LYZL1: variants seen among roughly 807,000 people sequenced by gnomAD.
LYZL1 encodes the protein lysozyme like 1, also known as lysozyme-like protein 1.
In LYZL1, 16 loss-of-function variants were observed where a neutral mutation model predicts 17.9. The observed-to-expected ratio is 0.90, with a 90% CI of 0.61 to 1.36. The LOEUF (loss-of-function observed/expected upper bound fraction) is 1.36. Among genes scored for constraint, LYZL1 ranks in the 40% most tolerant of loss-of-function variants. LYZL1 has a pLI of 0.00. For missense variants in LYZL1, 149 were observed against 188.4 expected, an observed-to-expected ratio of 0.79 and a Z score of 1.22; for synonymous variants, 58 against 71.8, an observed-to-expected ratio of 0.81 and a Z score of 0.97.
chr10:29,297,906 A>C (rs956500976), intron 3 of LYZL1, among the ~76,000 whole-genome samples: 3 of 152,176 alleles, frequency 2.0e-5, no homozygotes, highest in African/African-American at 4.8e-5. Flanking sequence ...CAACCACAAC[A>C]CTGGAAGCTA....
intron 3 of LYZL1, among the ~76,000 whole-genome samples, chr10:29,295,699 A>G (rs1346837927): frequency 6.6e-6 from 1 of 152,220 alleles, no homozygotes; most frequent in Non-Finnish European, 1.5e-5. Context: ...ATGAGTCTTT[A>G]AAAGCAGAGA....
intron 3 of LYZL1, chr10:29,317,234 G>C (rs1269083340): frequency 6.6e-6 from 1 of 152,070 alleles, no homozygotes; most frequent in East Asian, 1.9e-4. Flanking sequence ...ACCATTTTCA[G>C]GCCTGGAGCT....
rs138007023 is a variant in LYZL1 at position 29,299,106 on chromosome 10, A to G, written c.298+6429A>G. ...AGATCCCTTGCATGCTCAGTTCACAATAGGGTTCGCACTCCTATGAGAATC... is the reference window on the plus strand; with the variant it reads ...AGATCCCTTGCATGCTCAGTTCACAGTAGGGTTCGCACTCCTATGAGAATC... On this transcript the variant is annotated intron_variant, in intron 3 of 4. Transcript: ENST00000649382. Among the ~76,000 whole-genome samples the G allele has an allele frequency of 3.6e-4, 55 of 152,276 alleles. 1 individual carries two copies. In the East Asian group the frequency reaches 0.01, roughly 29 times the overall value.
rs74131328 is a variant in LYZL1 at position 29,294,226 on chromosome 10, C to T, written c.298+1549C>T. Among the ~76,000 whole-genome samples, 1,329 of 152,136 alleles carry T rather than the reference C, an allele frequency of 8.7e-3. 20 individuals carry two copies. Among genetic ancestry groups the T allele is most frequent in the African/African-American group, 0.031 (1,283 of 41,508 alleles). Reference sequence around the variant, plus strand: ...CAGGGAAGGCAGGTGGAGAGGCTAACGACCATCTGAGTGTGAAAAACCCAG... The same window carrying T: ...CAGGGAAGGCAGGTGGAGAGGCTAATGACCATCTGAGTGTGAAAAACCCAG... On this transcript the variant is annotated intron_variant, in intron 3 of 4. Transcript: ENST00000649382.
intron 3 of LYZL1, among the ~76,000 whole-genome samples, chr10:29,299,596 C>T (rs1283618775): frequency 6.6e-6 from 1 of 152,060 alleles, no homozygotes; most frequent in African/African-American, 2.4e-5. Context: ...ATTTTTGAAG[C>T]TTTGTTATTA....
chr10:29,306,549 C>CAAAAA (rs58001118), intron 3 of LYZL1, among the ~76,000 whole-genome samples: 9 of 48,802 alleles, frequency 1.8e-4, no homozygotes, highest in South Asian at 1.7e-3. Flanking sequence ...GACTCCGTCT[C>CAAAAA]AAAAAAAAAA....
chr10:29,295,735 A>G (rs1328557030), intron 3 of LYZL1, among the ~76,000 whole-genome samples: 1 of 152,188 alleles, frequency 6.6e-6, no homozygotes, highest in Non-Finnish European at 1.5e-5. Context: ...GGTCAGAGAG[A>G]GCTCCAATGA....
chr10:29,308,263 C>T (rs981317269), intron 3 of LYZL1, among the ~76,000 whole-genome samples: 1 of 152,314 alleles, frequency 6.6e-6, no homozygotes, highest in Middle Eastern at 3.4e-3. Flanking sequence ...GACCCACACC[C>T]AGTGACATGT....
chr10:29,306,549 C>CAAAAAAAAAAAAAAAAA (rs58001118), intron 3 of LYZL1, among the ~76,000 whole-genome samples: 2 of 48,804 alleles, frequency 4.1e-5, no homozygotes, highest in East Asian at 4.9e-4. Flanking sequence ...GACTCCGTCT[C>CAAAAAAAAAAAAAAAAA]AAAAAAAAAA....
chr10:29,289,090 T>A lies in LYZL1; in HGVS notation c.-166T>A, dbSNP rs777765463. On this transcript the variant is annotated 5_prime_UTR_variant, in exon 1 of 5. Transcript: ENST00000649382. ...GAGCTAGGAAAGGATTACTCGCGCC[T>A]CGTTAGAATCAGACATGGCTTCAGG... 60 of 1,545,274 alleles carry A rather than the reference T, an allele frequency of 3.9e-5. No individual in the cohort carries two copies. The highest frequency in any genetic ancestry group is 5.2e-5 in the Non-Finnish European group (59 of 1,142,248).
chr10:29,311,684 A>G (rs548438035), downstream of LYZL1, among the ~76,000 whole-genome samples: 7 of 152,150 alleles, frequency 4.6e-5, no homozygotes, highest in Non-Finnish European at 4.4e-5. Flanking sequence ...TTTTGCTATT[A>G]AAGAAAAACA....
downstream of LYZL1, among the ~76,000 whole-genome samples, chr10:29,314,372 T>C (rs78571376): frequency 0.035 from 5,340 of 152,264 alleles, 157 homozygotes; most frequent in South Asian, 0.079. Context: ...ATATTTGATG[T>C]TGGCCAGCAC....
intron 3 of LYZL1, chr10:29,317,224 A>T (rs1489970188): frequency 6.6e-6 from 1 of 152,134 alleles, no homozygotes; most frequent in Non-Finnish European, 1.5e-5. Flanking sequence ...GTTGTCCAGT[A>T]CCATTTTCAG....
chr10:29,302,801 CT>C (rs1378623747), intron 3 of LYZL1, among the ~76,000 whole-genome samples: 1 of 152,188 alleles, frequency 6.6e-6, no homozygotes, highest in African/African-American at 2.4e-5. Context: ...CCTACCTATC[CT>C]GCCTCATATG....
chr10:29,308,288 C>A (rs1442527229), intron 3 of LYZL1, among the ~76,000 whole-genome samples: 2 of 152,188 alleles, frequency 1.3e-5, no homozygotes, highest in Admixed American at 1.3e-4. Flanking sequence ...CAGAGGCATG[C>A]GGACCTGGCA....
At position 29,292,781 on chromosome 10, in the gene LYZL1, G is replaced by A. The variant is rs374915921; in HGVS notation, c.298+104G>A. On this transcript the variant is annotated intron_variant, in intron 3 of 4. Coordinates refer to ENST00000649382, the MANE Select transcript of LYZL1 (RefSeq NM_032517.6). ...GCTTTAACTAAAATTTGGAGTTCAG[G>A]CTTGCAAATAGGTCTGTTCCAGATT... The A allele has an allele frequency of 2.7e-5, 41 of 1,502,116 alleles. No individual in the cohort carries two copies. In the African/African-American group the frequency reaches 3.5e-4, roughly 13 times the overall value. The allele number at this position is 1,502,116 out of a possible 1,614,324, so 93.0% of individuals were successfully genotyped here.
At chr10:29,292,398 T>TGCCCA (rs1835381549) in intron 2 of LYZL1, 121 bp from the exon 3 acceptor site, 1 of 1,447,128 alleles carries the variant, frequency 6.9e-7, no homozygotes, top group Non-Finnish European at 9.3e-7. Flanking sequence ...CGCCCTGCCC[T>TGCCCA]GCCCAAGGTG....
intron 3 of LYZL1, among the ~76,000 whole-genome samples, chr10:29,298,974 T>C (rs1383240473): frequency 6.6e-6 from 1 of 152,204 alleles, no homozygotes; most frequent in African/African-American, 2.4e-5. Flanking sequence ...GTAGAATCAG[T>C]GGGAGCCCTG....
chr10:29,299,365 C>G (rs1443235167), intron 3 of LYZL1, among the ~76,000 whole-genome samples: 1 of 151,632 alleles, frequency 6.6e-6, no homozygotes, highest in African/African-American at 2.4e-5. Context: ...TGTTTTACAG[C>G]ACAGCAAATG....
Sources: gnomAD v4.1 joint callset for allele counts (sites outside exome capture counted in the v4.1 genomes callset) on GRCh38, gnomAD v4.1.1 for gene constraint, MANE v1.5 for transcripts, NCBI Gene and HGNC (gene_info 2026-07-23, HGNC 2026-07-21) for gene names.